Variants in LHPP observed in about 807,000 individuals in gnomAD.
LHPP encodes the protein hLHPP.
In LHPP, 24 loss-of-function variants were observed where a neutral mutation model predicts 30.3. The observed-to-expected ratio is 0.79, with a 90% CI of 0.57 to 1.11. The LOEUF (loss-of-function observed/expected upper bound fraction) is 1.11. Ranked by LOEUF, LHPP falls within the 50% of genes most tolerant of loss-of-function variation. The pLI is 0.00. For synonymous variants in LHPP, 150 were observed against 157.1 expected (o/e 0.95, Z 0.34); for missense variants, 356 against 367.2 (o/e 0.97, Z 0.25).
intron 6 of LHPP, among the ~76,000 whole-genome samples, chr10:124,568,666 A>G (rs1260335976): frequency 6.6e-6 from 1 of 152,150 alleles, no homozygotes; most frequent in Non-Finnish European, 1.5e-5. Flanking sequence ...CTGTGGTGCA[A>G]TGGGCGTGTG....
intron 5 of LHPP, among the ~76,000 whole-genome samples, chr10:124,506,997 G>A (rs531452734): frequency 2.8e-5 from 1 of 35,328 alleles, no homozygotes; most frequent in African/African-American, 1.0e-4. Flanking sequence ...AGGGGGGTAG[G>A]GAGGATTTCA....
At chr10:124,575,338 G>C (rs988375878) in intron 6 of LHPP, among the ~76,000 whole-genome samples, 1 of 152,130 alleles carries the variant, frequency 6.6e-6, no homozygotes, top group Non-Finnish European at 1.5e-5. Context: ...AAACCAAGCT[G>C]TCCGCATCTC....
chr10:124,579,452 G>A (rs1451884399), intron 6 of LHPP, among the ~76,000 whole-genome samples: 1 of 152,206 alleles, frequency 6.6e-6, no homozygotes, highest in African/African-American at 2.4e-5. Flanking sequence ...GGCCAGAACT[G>A]TGCTGTAGCA....
At chr10:124,601,397 C>A (rs537092029) in intron 6 of LHPP, among the ~76,000 whole-genome samples, 2 of 152,220 alleles carry the variant, frequency 1.3e-5, no homozygotes, top group Non-Finnish European at 2.9e-5. Context: ...GACCGGGGGG[C>A]CTTACGTACG....
chr10:124,577,704 ATGCACATGCATATGTG>A (rs1184270415), intron 6 of LHPP, among the ~76,000 whole-genome samples: 1 of 152,038 alleles, frequency 6.6e-6, no homozygotes, highest in Admixed American at 6.5e-5. Flanking sequence ...ATACACATGC[ATGCACATGCATATGTG>A]TGCACACATA....
chr10:124,526,278 C>T (rs867655702), intron 6 of LHPP: 21 of 975,258 alleles, frequency 2.2e-5, no homozygotes, highest in Non-Finnish European at 2.6e-5. Flanking sequence ...TGCCTCATGG[C>T]GGGGCCAGTG....
chr10:124,567,274 C>T (rs1403592907), intron 6 of LHPP, among the ~76,000 whole-genome samples: 2 of 152,200 alleles, frequency 1.3e-5, no homozygotes, highest in Non-Finnish European at 2.9e-5. Flanking sequence ...CAGGCCTGGG[C>T]AGAGCAAACT....
At chr10:124,549,306 A>G (rs140880648) in intron 6 of LHPP, among the ~76,000 whole-genome samples, 1 of 152,024 alleles carries the variant, frequency 6.6e-6, no homozygotes, top group South Asian at 2.1e-4. Flanking sequence ...GACGGTGTAC[A>G]CCTGTAGCCC....
At chr10:124,536,136 G>A (rs907803356) in intron 6 of LHPP, among the ~76,000 whole-genome samples, 1 of 152,236 alleles carries the variant, frequency 6.6e-6, no homozygotes, top group African/African-American at 2.4e-5. Flanking sequence ...CTGGGTCCCC[G>A]GGCTTTTCCA....
intron 5 of LHPP, among the ~76,000 whole-genome samples, chr10:124,503,255 G>A (rs1040284739): frequency 4.0e-5 from 6 of 150,688 alleles, no homozygotes; most frequent in African/African-American, 1.5e-4. Flanking sequence ...TAGTAGAGAC[G>A]GGGTTTCTCC....
chr10:124,477,910 G>T (rs939330400), intron 1 of LHPP, among the ~76,000 whole-genome samples: 9 of 152,144 alleles, frequency 5.9e-5, no homozygotes, highest in African/African-American at 1.7e-4. Flanking sequence ...TGTGGCCTCC[G>T]AGACCCTGGC....
At chr10:124,500,765 A>G (rs1953875972) in intron 5 of LHPP, among the ~76,000 whole-genome samples, 1 of 151,906 alleles carries the variant, frequency 6.6e-6, no homozygotes, top group Non-Finnish European at 1.5e-5. Context: ...GTTGGCAAGG[A>G]TGTAGAGAAA....
chr10:124,539,714 C>G (rs1473712423), intron 6 of LHPP, among the ~76,000 whole-genome samples: 13 of 137,766 alleles, frequency 9.4e-5, no homozygotes, highest in Admixed American at 9.1e-4. Flanking sequence ...CTAGCCTGGG[C>G]GACAGAGCAA....
rs543481813 is a variant in LHPP at position 124,580,719 on chromosome 10, T to C, written c.717-32545T>C. Among the ~76,000 whole-genome samples the C allele has an allele frequency of 2.2e-3, 132 of 58,932 alleles. 1 individual carries two copies. The highest frequency in any genetic ancestry group is 0.017 in the South Asian group (26 of 1,546). The allele number at this position is 58,932 out of a possible 152,430, so 38.7% of individuals were successfully genotyped here. A position where few individuals can be genotyped will look rare whatever the true frequency, so the allele number is the denominator to read the frequency against. On this transcript the variant is annotated intron_variant, in intron 6 of 6. Coordinates refer to ENST00000368842, the MANE Select transcript of LHPP (RefSeq NM_022126.4). ...ATTTTAGAACATTTTCTTTTTTTTT[T>C]TCTTTTTTTTTTTTTTGAGATGGAG...
At chr10:124,532,702 C>T (rs1198085682) in intron 6 of LHPP, among the ~76,000 whole-genome samples, 1 of 152,216 alleles carries the variant, frequency 6.6e-6, no homozygotes, top group Non-Finnish European at 1.5e-5. Context: ...GGTTCTCTTC[C>T]AAGCCTCTTG....
chr10:124,549,657 G>A (rs954039391), intron 6 of LHPP, among the ~76,000 whole-genome samples: 3 of 152,210 alleles, frequency 2.0e-5, no homozygotes, highest in African/African-American at 4.8e-5. Flanking sequence ...TTGCCATGGT[G>A]GTCCATTGGT....
At chr10:124,504,124 G>C (rs1308680614) in intron 5 of LHPP, among the ~76,000 whole-genome samples, 1 of 151,922 alleles carries the variant, frequency 6.6e-6, no homozygotes, top group South Asian at 2.1e-4. Flanking sequence ...CCCAGGAGGC[G>C]GAGGTTACAG....
chr10:124,576,165 A>G lies in LHPP; in HGVS notation c.717-37099A>G, dbSNP rs1296071375. Among the ~76,000 whole-genome samples, 1 of 152,116 alleles carries G rather than the reference A, an allele frequency of 6.6e-6. No individual in the cohort carries two copies. The highest frequency in any genetic ancestry group is 1.5e-5 in the Non-Finnish European group (1 of 68,012). The stretch of plus-strand genomic sequence containing the variant: ...GATCAGCTGCTGAGGGTGACTTCAC[A>G]TGAGATTATAATTGTACTGCCTAAT... On this transcript the variant is annotated intron_variant, in intron 6 of 6. Transcript: ENST00000368842. The surrounding 1 kb of genome is among the most constrained non-coding windows in gnomAD (Gnocchi z 4.2).
chr10:124,542,865 G>A (rs1011689569), intron 6 of LHPP, among the ~76,000 whole-genome samples: 16 of 152,270 alleles, frequency 1.1e-4, no homozygotes, highest in South Asian at 4.1e-4. Context: ...GTGTCCAGCC[G>A]TCTCCCTGAC....
Sources: gnomAD v4.1 joint callset for allele counts (sites outside exome capture counted in the v4.1 genomes callset) on GRCh38, gnomAD v4.1.1 for gene constraint, Gnocchi (gnomAD v3.1) non-coding constraint, MANE v1.5 for transcripts, NCBI Gene and HGNC (gene_info 2026-07-23, HGNC 2026-07-21) for gene names.